The following FAM241A variants were observed in gnomAD, a reference collection of about 807,000 sequenced individuals.
The protein encoded by FAM241A is family with sequence similarity 241 member A, also known as uncharacterized protein FAM241A.
FAM241A carries 7 observed loss-of-function variants against 12.2 expected under a neutral mutation model. That is an observed-to-expected ratio of 0.58 (90% confidence interval 0.33 to 1.08). FAM241A has a LOEUF of 1.08. Ranked by LOEUF, FAM241A falls within the 50% of genes least tolerant of loss-of-function variation. The pLI, the probability that FAM241A is intolerant of heterozygous loss-of-function variation, is 0.04. For synonymous variants in FAM241A, 74 were observed against 68.2 expected, an observed-to-expected ratio of 1.08 and a Z score of -0.42; for missense variants, 161 against 169.7, an observed-to-expected ratio of 0.95 and a Z score of 0.29.
At chr4:112,158,186 A>G (rs987725450) in intron 1 of FAM241A, among the ~76,000 whole-genome samples, 13 of 152,084 alleles carry the variant, frequency 8.5e-5, no homozygotes, top group African/African-American at 3.1e-4. Context: ...CTGGATGATA[A>G]TATTTTCTTC....
At chr4:112,164,088 G>A (rs895118644) in intron 1 of FAM241A, among the ~76,000 whole-genome samples, 1 of 151,502 alleles carries the variant, frequency 6.6e-6, no homozygotes, top group Non-Finnish European at 1.5e-5. Flanking sequence ...CACAGGGTGG[G>A]GAACATCACA....
In FAM241A at chr4:112,183,603, T is replaced by TA. The variant is rs1723985812; in HGVS notation, c.154-3090_154-3089insA. ...CTTCGTACTAAAACCACAAAAATAC[T>TA]GAAAAAAAAAGTCTTAAAAAGCTTC... is the stretch of plus-strand genomic sequence containing the variant. On this transcript the variant is annotated intron_variant, in intron 1 of 1. Coordinates refer to ENST00000309733, the MANE Select transcript of FAM241A (RefSeq NM_152400.3). 9.8e-5 allele frequency among the ~76,000 whole-genome samples: 9 copies of TA among 91,646 alleles called. No individual in the cohort carries two copies. The Admixed American group carries it at 9.9e-4, about 10-fold the overall frequency. 60.1% of individuals were successfully genotyped at this position (91,646 alleles called of 152,430 possible).
intron 1 of FAM241A, among the ~76,000 whole-genome samples, chr4:112,173,212 A>G (rs1054471254): frequency 2.6e-5 from 4 of 152,322 alleles, no homozygotes; most frequent in Admixed American, 6.5e-5. Flanking sequence ...AATGTGGGCC[A>G]TAGAAGGAGG....
chr4:112,164,984 C>T (rs1424665701), intron 1 of FAM241A, among the ~76,000 whole-genome samples: 1 of 152,110 alleles, frequency 6.6e-6, no homozygotes, highest in East Asian at 1.9e-4. Flanking sequence ...ATGGGCTCAG[C>T]TATTTGGGAG....
chr4:112,172,099 A>G lies in FAM241A; in HGVS notation c.154-14594A>G, dbSNP rs562763407. On this transcript the variant is annotated intron_variant, in intron 1 of 1. Transcript: ENST00000309733. The stretch of plus-strand genomic sequence containing the variant: ...GCCTGAATGTGTCTAGATTCCACCA[A>G]TTACTAAGGGATCTTGACTAAATTA... 5.3e-5 allele frequency among the ~76,000 whole-genome samples: 8 copies of G among 152,332 alleles called. No homozygotes were observed. In the East Asian group the frequency reaches 1.2e-3, roughly 22 times the overall value.
intron 1 of FAM241A, among the ~76,000 whole-genome samples, chr4:112,167,035 A>C (rs1578374366): frequency 1.7e-5 from 2 of 118,656 alleles, no homozygotes; most frequent in African/African-American, 3.5e-5. Flanking sequence ...AATGGCGTGA[A>C]CCCGGGAGGC....
intron 1 of FAM241A, among the ~76,000 whole-genome samples, chr4:112,157,584 C>A (rs924838680): frequency 6.6e-6 from 1 of 151,984 alleles, no homozygotes; most frequent in Non-Finnish European, 1.5e-5. Flanking sequence ...AGTCTTCTTG[C>A]CTAGTACTAT....
At position 112,155,034 on chromosome 4, in the gene FAM241A, G is replaced by A. The variant is rs529538396; in HGVS notation, c.153+9301G>A. On this transcript the variant is annotated intron_variant, in intron 1 of 1. Coordinates refer to ENST00000309733, the MANE Select transcript of FAM241A (RefSeq NM_152400.3). ...GGCGACAGAGCAAAACTCCGTCTGC[G>A]CCCACCACCCTCCCCCGCCACAAAA... 8.6e-5 allele frequency among the ~76,000 whole-genome samples: 13 copies of A among 151,414 alleles called. No individual in the cohort carries two copies. The East Asian group carries it at 1.9e-3, about 23-fold the overall frequency.
At chr4:112,169,442 A>C (rs1318974734) in intron 1 of FAM241A, among the ~76,000 whole-genome samples, 1 of 152,170 alleles carries the variant, frequency 6.6e-6, no homozygotes, top group Non-Finnish European at 1.5e-5. Context: ...GAATAAGAGG[A>C]TTTGGGATTA....
chr4:112,178,941 A>T (rs6841913), intron 1 of FAM241A, among the ~76,000 whole-genome samples: 146,028 of 152,266 alleles, frequency 0.96, 70,081 homozygotes, highest in East Asian at 1. Context: ...CTCATACTAG[A>T]CAGAATGGCT....
intron 1 of FAM241A, among the ~76,000 whole-genome samples, chr4:112,152,785 T>A (rs1015469764): frequency 3.2e-4 from 49 of 152,312 alleles, no homozygotes; most frequent in African/African-American, 1.2e-3. Flanking sequence ...TAATTTTGAA[T>A]CCCGGTTTTA....
intron 1 of FAM241A, among the ~76,000 whole-genome samples, chr4:112,179,192 G>A (rs1381660811): frequency 6.6e-6 from 1 of 152,140 alleles, no homozygotes; most frequent in Non-Finnish European, 1.5e-5. Flanking sequence ...TAGACATGAA[G>A]TCCTTGCCCA....
At position 112,193,271 on chromosome 4, in the gene FAM241A, C is replaced by T. The variant is rs1051291473; in HGVS notation, c.*6333C>T. The T allele has an allele frequency of 9.9e-5, 15 of 152,060 alleles. No homozygotes were observed. Among genetic ancestry groups the T allele is most frequent in the Admixed American group, 7.2e-4 (11 of 15,264 alleles). The allele number at this position is 152,060 out of a possible 1,614,324, so 9.4% of individuals were successfully genotyped here. A position where few individuals can be genotyped will look rare whatever the true frequency, so the allele number is the denominator to read the frequency against. On this transcript the variant is annotated 3_prime_UTR_variant, in exon 2 of 2. Transcript: ENST00000309733. ...AGCCCTTTGTCAGATGAGTAGGTTG[C>T]GAAAATTTTCTGCCATTTTGTAAGT...
intron 1 of FAM241A, among the ~76,000 whole-genome samples, chr4:112,159,375 A>G (rs1208898282): frequency 6.6e-6 from 1 of 152,186 alleles, no homozygotes. Flanking sequence ...TTGTGGAAAG[A>G]TAGGAGGAAA....
chr4:112,150,056 A>C (rs942654737), intron 1 of FAM241A, among the ~76,000 whole-genome samples: 8 of 151,908 alleles, frequency 5.3e-5, no homozygotes, highest in African/African-American at 1.9e-4. Context: ...CAATCAGTTA[A>C]ATATTTGCCT....
intron 1 of FAM241A, among the ~76,000 whole-genome samples, chr4:112,179,953 G>GTT (rs1723899922): frequency 8.5e-6 from 1 of 117,318 alleles, no homozygotes. Context: ...ATGTGTGTGT[G>GTT]TGTGTGTATA....
chr4:112,158,961 C>T (rs1359055233), intron 1 of FAM241A, among the ~76,000 whole-genome samples: 2 of 152,126 alleles, frequency 1.3e-5, no homozygotes. Flanking sequence ...CTTTATCACC[C>T]CTTTTCCCCC....
At chr4:112,153,235 A>G (rs1723279417) in intron 1 of FAM241A, among the ~76,000 whole-genome samples, 1 of 152,160 alleles carries the variant, frequency 6.6e-6, no homozygotes, top group African/African-American at 2.4e-5. Flanking sequence ...GTTGCTCACT[A>G]ATCCTTGAGA....
intron 1 of FAM241A, among the ~76,000 whole-genome samples, chr4:112,178,827 A>G (rs1723872363): frequency 6.6e-6 from 1 of 152,192 alleles, no homozygotes. Context: ...AGGACAAAGG[A>G]CATAAACAGA....
Sources: gnomAD v4.1 joint callset for allele counts (sites outside exome capture counted in the v4.1 genomes callset) on GRCh38, gnomAD v4.1.1 for gene constraint, MANE v1.5 for transcripts, NCBI Gene and HGNC (gene_info 2026-07-23, HGNC 2026-07-21) for gene names.